The following GNAZ variants were observed in gnomAD, a reference collection of about 807,000 sequenced individuals.
GNAZ encodes the protein G protein subunit alpha z.
In GNAZ, 3 loss-of-function variants were observed where a neutral mutation model predicts 25.4. That is an observed-to-expected ratio of 0.12 (90% CI 0.05 to 0.30). The LOEUF (loss-of-function observed/expected upper bound fraction) is 0.30. GNAZ is among the 10% of genes least tolerant of loss of function. GNAZ has a pLI of 1.00. For synonymous variants in GNAZ, 211 were observed against 205.7 expected (o/e 1.03, Z -0.22); for missense variants, 241 against 501.8 (o/e 0.48, Z 4.97).
chr22:23,122,894 G>T (rs2146402896), intron 2 of GNAZ, among the ~76,000 whole-genome samples, 193 bp from the exon 3 acceptor site: 1 of 152,348 alleles, frequency 6.6e-6, no homozygotes, highest in East Asian at 1.9e-4. Flanking sequence ...GGCAAGGAGG[G>T]TGCTGCCGGC....
rs997011865 is a variant in GNAZ, at chr22:23,104,478, G to A, written c.723+8060G>A. ...ACCCCACATCCCCTCAACCTGCATC[G>A]GCTAGGCTTGCCCAGGCCAGTGGGT... On this transcript the variant is annotated intron_variant, in intron 2 of 2. Coordinates refer to ENST00000615612, the MANE Select transcript of GNAZ (RefSeq NM_002073.4). Among the ~76,000 whole-genome samples the A allele has an allele frequency of 7.9e-5, 12 of 152,272 alleles. No individual in the cohort carries two copies. The East Asian group carries it at 1.2e-3, about 15-fold the overall frequency.
chr22:23,078,235 G>A (rs1341338334), intron 1 of GNAZ, among the ~76,000 whole-genome samples: 2 of 152,226 alleles, frequency 1.3e-5, no homozygotes, highest in African/African-American at 4.8e-5. Context: ...AATAATTAGA[G>A]TGTTGCCTCC....
chr22:23,123,461 G>A lies in GNAZ; in HGVS notation c.*30G>A. Reference sequence around the variant, plus strand: ...CTGGGCCCGGGGCCCGCCTGCCTATGGTGAAACCCACGGGGTGTCATGCCC... The same window carrying A: ...CTGGGCCCGGGGCCCGCCTGCCTATAGTGAAACCCACGGGGTGTCATGCCC... On this transcript the variant is annotated 3_prime_UTR_variant, in exon 3 of 3. Coordinates refer to ENST00000615612, the MANE Select transcript of GNAZ (RefSeq NM_002073.4). 6.8e-7 allele frequency: 1 copy of A among 1,475,360 alleles called. No individual in the cohort carries two copies. The highest frequency in any genetic ancestry group is 9.4e-7 in the Non-Finnish European group (1 of 1,063,830). The allele number at this position is 1,475,360 out of a possible 1,614,324, so 91.4% of individuals were successfully genotyped here. A position where few individuals can be genotyped will look rare whatever the true frequency, so the allele number is the denominator to read the frequency against.
chr22:23,110,649 G>A (rs1340515182), intron 2 of GNAZ, among the ~76,000 whole-genome samples: 1 of 152,258 alleles, frequency 6.6e-6, no homozygotes, highest in Non-Finnish European at 1.5e-5. Flanking sequence ...CCAGCTCAAG[G>A]GTCAGCAGCT....
At chr22:23,076,882 A>G (rs1331660951) in intron 1 of GNAZ, among the ~76,000 whole-genome samples, 1 of 152,220 alleles carries the variant, frequency 6.6e-6, no homozygotes, top group Admixed American at 6.5e-5. Flanking sequence ...AGGCCTGGGT[A>G]GAAGTCCAGC....
chr22:23,077,199 A>C (rs989914125), intron 1 of GNAZ, among the ~76,000 whole-genome samples: 13 of 151,894 alleles, frequency 8.6e-5, no homozygotes, highest in African/African-American at 2.9e-4. Flanking sequence ...AACCCACCCT[A>C]TCTCTCCTTA....
In GNAZ at chr22:23,072,759, G is replaced by A. The variant is rs554695110; in HGVS notation, c.-450+2189G>A. Among the ~76,000 whole-genome samples, 161 of 152,338 alleles carry A rather than the reference G, an allele frequency of 1.1e-3. 1 individual carries two copies. The highest frequency in any genetic ancestry group is 1.9e-3 in the Admixed American group (29 of 15,300). ...TGTGACTGTGGGTTTGGGACACAGGGAATGGATTCTTCCCTCTGTCCCCAG... is the reference window on the plus strand; with the variant it reads ...TGTGACTGTGGGTTTGGGACACAGGAAATGGATTCTTCCCTCTGTCCCCAG... On this transcript the variant is annotated intron_variant, in intron 1 of 2. Transcript: ENST00000615612.
At chr22:23,090,711 G>GCC (rs892642797) in intron 1 of GNAZ, among the ~76,000 whole-genome samples, 1 of 152,106 alleles carries the variant, frequency 6.6e-6, no homozygotes, top group African/African-American at 2.4e-5. Flanking sequence ...CAGGAGGCCA[G>GCC]CCCCACCCAC....
intron 2 of GNAZ, among the ~76,000 whole-genome samples, chr22:23,107,733 C>T (rs1403858101): frequency 2.0e-5 from 3 of 152,144 alleles, no homozygotes; most frequent in Admixed American, 6.5e-5. Flanking sequence ...GGGGGTTGGC[C>T]GCAGGGTGTG....
intron 1 of GNAZ, among the ~76,000 whole-genome samples, chr22:23,087,666 T>A (rs1257259305): frequency 3.3e-5 from 5 of 152,052 alleles, no homozygotes; most frequent in African/African-American, 1.2e-4. Flanking sequence ...GGATGGGGGG[T>A]AGCCAGTGAG....
In GNAZ at chr22:23,104,218, C is replaced by T. The variant is rs533339112; in HGVS notation, c.723+7800C>T. Among the ~76,000 whole-genome samples the T allele has an allele frequency of 3.9e-5, 6 of 152,238 alleles. No homozygotes were observed. The South Asian group carries it at 6.2e-4, about 16-fold the overall frequency. ...TGCAGCGGGATGACGGAGGACCAGG[C>T]GGTGTAAGGTCTAAGCAGGCAGGGC... On this transcript the variant is annotated intron_variant, in intron 2 of 2. Coordinates refer to ENST00000615612, the MANE Select transcript of GNAZ (RefSeq NM_002073.4).
chr22:23,092,586 C>T (rs1199731007), intron 1 of GNAZ, among the ~76,000 whole-genome samples: 1 of 152,202 alleles, frequency 6.6e-6, no homozygotes, highest in Non-Finnish European at 1.5e-5. Flanking sequence ...GCCTCAGTTT[C>T]CCCTTTCCTT....
chr22:23,111,031 G>A (rs369614334), intron 2 of GNAZ, among the ~76,000 whole-genome samples: 10 of 152,240 alleles, frequency 6.6e-5, no homozygotes, highest in African/African-American at 2.2e-4. Flanking sequence ...GAATGAGGGG[G>A]TAGGATAGCA....
chr22:23,072,364 C>T (rs1362546172), intron 1 of GNAZ, among the ~76,000 whole-genome samples: 3 of 152,276 alleles, frequency 2.0e-5, no homozygotes, highest in Admixed American at 6.5e-5. Flanking sequence ...AAGCCTCATT[C>T]TCTAGGAATG....
chr22:23,109,037 C>T (rs1213187709), intron 2 of GNAZ, among the ~76,000 whole-genome samples: 2 of 152,282 alleles, frequency 1.3e-5, no homozygotes, highest in East Asian at 3.9e-4. Context: ...GCTCCATATC[C>T]GATGTGTCAT....
At position 23,096,498 on chromosome 22, in the gene GNAZ, G is replaced by A. The variant is rs2069127997; in HGVS notation, c.723+80G>A. 8.4e-6 allele frequency: 12 copies of A among 1,420,436 alleles called. No homozygotes were observed. The Admixed American group carries it at 1.6e-4, about 19-fold the overall frequency. The allele number at this position is 1,420,436 out of a possible 1,614,324, so 88.0% of individuals were successfully genotyped here. A position where few individuals can be genotyped will look rare whatever the true frequency, so the allele number is the denominator to read the frequency against. On this transcript the variant is annotated intron_variant, in intron 2 of 2. Transcript: ENST00000615612. ...AAGCAAGAGGACTCGTGAGGTCCAG[G>A]ACAGTCTGCAGCCAGAAAGGGAACC...
At chr22:23,118,095 T>G (rs1473039757) in intron 2 of GNAZ, among the ~76,000 whole-genome samples, 1 of 152,224 alleles carries the variant, frequency 6.6e-6, no homozygotes, top group Non-Finnish European at 1.5e-5. Context: ...AGCCACGGCC[T>G]GGGGCAGAGT....
rs2068801732 is a variant in GNAZ at position 23,085,792 on chromosome 22, C to T, written c.-449-9455C>T. 2.6e-5 allele frequency among the ~76,000 whole-genome samples: 4 copies of T among 152,260 alleles called. No homozygotes were observed. In the South Asian group the frequency reaches 8.3e-4, roughly 31 times the overall value. The stretch of plus-strand genomic sequence containing the variant: ...CGGGCAGTGGGGACAGAGCAGGGGG[C>T]TGCAACACCATCGAACCCTAGGAGG... On this transcript the variant is annotated intron_variant, in intron 1 of 2. Transcript: ENST00000615612.
chr22:23,122,792 A>G, intron 2 of GNAZ: 1 of 453,788 alleles, frequency 2.2e-6, no homozygotes, highest in Non-Finnish European at 4.0e-6. Context: ...TGCTTGGCAC[A>G]TCTGTAGCCC....
Sources: allele counts gnomAD v4.1 joint callset (sites outside exome capture counted in the v4.1 genomes callset), GRCh38; gene constraint gnomAD v4.1.1; transcripts MANE v1.5; gene names NCBI Gene and HGNC (gene_info 2026-07-23, HGNC 2026-07-21).